QTMAN: variants seen among roughly 807,000 people sequenced by gnomAD.
QTMAN encodes queuosine-tRNA mannosyltransferase.
chr2:144,224,512 G>A, the QTMAN span, among the ~76,000 whole-genome samples: 1 of 152,120 alleles, frequency 6.6e-6, no homozygotes, highest in South Asian at 2.1e-4. Context: ...TGTCAGATGA[G>A]GGCACCTATA....
At chr2:144,200,815 A>C in the QTMAN span, among the ~76,000 whole-genome samples, 1 of 152,244 alleles carries the variant, frequency 6.6e-6, no homozygotes, top group African/African-American at 2.4e-5. Context: ...AATCCAGTAA[A>C]ACTGAGTAAC....
the QTMAN span, among the ~76,000 whole-genome samples, chr2:144,244,674 C>T: frequency 5.3e-5 from 8 of 151,770 alleles, no homozygotes; most frequent in Non-Finnish European, 8.8e-5. Flanking sequence ...TTTTTTTAAA[C>T]GCAAATAATA....
the QTMAN span, among the ~76,000 whole-genome samples, chr2:144,242,960 TA>T: frequency 0.027 from 2,109 of 77,728 alleles, 68 homozygotes; most frequent in African/African-American, 0.11. Context: ...AGACTCTACT[TA>T]AAAAAAAAAA....
chr2:144,313,271 A>G, the QTMAN span, among the ~76,000 whole-genome samples: 2 of 152,208 alleles, frequency 1.3e-5, no homozygotes, highest in South Asian at 4.1e-4. Flanking sequence ...AACCAAGTCT[A>G]TTCTCTTTTA....
chr2:143,975,662 A>G, the QTMAN span, among the ~76,000 whole-genome samples: 1 of 152,204 alleles, frequency 6.6e-6, no homozygotes, highest in Non-Finnish European at 1.5e-5. Context: ...CCACTTTCAG[A>G]CGAAAGTATC....
At chr2:144,282,042 T>C in the QTMAN span, among the ~76,000 whole-genome samples, 1 of 152,278 alleles carries the variant, frequency 6.6e-6, no homozygotes, top group South Asian at 2.1e-4. Context: ...TGAGTTTCTA[T>C]TCACTAGGTC....
At chr2:144,301,353 G>C in the QTMAN span, among the ~76,000 whole-genome samples, 2 of 152,134 alleles carry the variant, frequency 1.3e-5, no homozygotes, top group Non-Finnish European at 2.9e-5. Flanking sequence ...CTCTTGAGTA[G>C]CTGGGACTAC....
the QTMAN span, among the ~76,000 whole-genome samples, chr2:143,949,287 T>C: frequency 6.6e-6 from 1 of 152,042 alleles, no homozygotes; most frequent in Admixed American, 6.6e-5. Context: ...CTGTTTCTGC[T>C]TTTCACTTAC....
At chr2:144,218,259 T>C in the QTMAN span, among the ~76,000 whole-genome samples, 1 of 152,218 alleles carries the variant, frequency 6.6e-6, no homozygotes, top group Non-Finnish European at 1.5e-5. Flanking sequence ...TCTAATTCTA[T>C]TTAAAATTTC....
At chr2:144,116,566 C>T in the QTMAN span, among the ~76,000 whole-genome samples, 1 of 152,158 alleles carries the variant, frequency 6.6e-6, no homozygotes, top group East Asian at 1.9e-4. Flanking sequence ...GACCAGTGGA[C>T]TGCCATACCC....
At chr2:143,952,811 A>G in the QTMAN span, 2 of 1,609,544 alleles carry the variant, frequency 1.2e-6, no homozygotes, top group South Asian at 2.2e-5. Context: ...TTTAGGACAA[A>G]GTGGGTAACA....
chr2:144,151,727 A>T, the QTMAN span, among the ~76,000 whole-genome samples: 1 of 152,214 alleles, frequency 6.6e-6, no homozygotes, highest in Non-Finnish European at 1.5e-5. Context: ...AATTACTCCC[A>T]AGCATTTCAA....
chr2:144,106,895 T>C, the QTMAN span, among the ~76,000 whole-genome samples: 2 of 152,180 alleles, frequency 1.3e-5, no homozygotes, highest in Non-Finnish European at 2.9e-5. Context: ...ACAGAAATTA[T>C]AACAAACTGT....
At chr2:143,961,920 G>T in the QTMAN span, among the ~76,000 whole-genome samples, 1 of 152,110 alleles carries the variant, frequency 6.6e-6, no homozygotes, top group East Asian at 1.9e-4. Flanking sequence ...TGGGAGGGAA[G>T]GGTATCAGCC....
At chr2:144,185,338 A>G in the QTMAN span, among the ~76,000 whole-genome samples, 12 of 152,240 alleles carry the variant, frequency 7.9e-5, no homozygotes, top group Middle Eastern at 0.01. Context: ...CTGTTCTCCT[A>G]TGTTTCACAG....
At chr2:143,947,416 G>A in the QTMAN span, among the ~76,000 whole-genome samples, 1 of 152,052 alleles carries the variant, frequency 6.6e-6, no homozygotes, top group Non-Finnish European at 1.5e-5. Context: ...TGTTATGAAT[G>A]ACAACCATTC....
the QTMAN span, chr2:144,237,294 T>TA: frequency 0.066 from 9,990 of 152,240 alleles, 455 homozygotes; most frequent in Admixed American, 0.15. Flanking sequence ...GTCAGGGTCT[T>TA]AAAGAGTTGA....
the QTMAN span, among the ~76,000 whole-genome samples, chr2:144,224,205 A>G: frequency 6.6e-6 from 1 of 152,366 alleles, no homozygotes; most frequent in East Asian, 1.9e-4. Flanking sequence ...TATAGAAAAT[A>G]GAATTCTTTT....
chr2:144,180,972 ATAC>A, the QTMAN span, among the ~76,000 whole-genome samples: 1 of 152,202 alleles, frequency 6.6e-6, no homozygotes, highest in African/African-American at 2.4e-5. Flanking sequence ...TTCACTAGTA[ATAC>A]TGATTTAATA....
Sources: allele counts gnomAD v4.1 joint callset (sites outside exome capture counted in the v4.1 genomes callset), GRCh38; gene constraint gnomAD v4.1.1; transcripts MANE v1.5; gene names NCBI Gene and HGNC (gene_info 2026-07-23, HGNC 2026-07-21).